Variants in HPCA observed in about 807,000 individuals in gnomAD.
HPCA encodes neuron-specific calcium-binding protein hippocalcin.
HPCA carries 4 observed loss-of-function variants against 18.2 expected under a neutral mutation model. The observed-to-expected ratio is 0.22, with a 90% CI of 0.11 to 0.50. HPCA has a LOEUF of 0.50. HPCA is among the 20% of genes least tolerant of loss of function. The probability of loss-of-function intolerance (pLI) is 0.97; values close to 1 mark genes in which losing one functional copy is unlikely to be tolerated. For missense variants in HPCA, 161 were observed against 265.8 expected (o/e 0.61, Z 2.74); for synonymous variants, 93 against 103.5 (o/e 0.90, Z 0.61).
At position 32,893,442 on chromosome 1, in the gene HPCA, A is replaced by G; in HGVS notation, c.379-82A>G. ...CCCAGGCGGGGGCAGCAAACGTCAG[A>G]GAGCCCGGGGGCGCCTCTGAATCTT... On this transcript the variant is annotated intron_variant, in intron 2 of 3. Coordinates refer to ENST00000373467, the MANE Select transcript of HPCA (RefSeq NM_002143.3). This position sits in a 1 kb window ranked among gnomAD's most constrained non-coding sequence, Gnocchi z 7.5. 1 of 978,216 alleles carries G rather than the reference A, an allele frequency of 1.0e-6. No homozygotes were observed. Among genetic ancestry groups the G allele is most frequent in the Admixed American group, 2.0e-5 (1 of 49,312 alleles). The allele number at this position is 978,216 out of a possible 1,614,324, so 60.6% of individuals were successfully genotyped here.
chr1:32,893,950 G>T lies in HPCA; in HGVS notation c.*88G>T. On this transcript the variant is annotated 3_prime_UTR_variant, in exon 4 of 4. Transcript: ENST00000373467. This position sits in a 1 kb window ranked among gnomAD's most constrained non-coding sequence, Gnocchi z 7.5. Reference sequence around the variant, plus strand: ...TCCCTTGTGTGTATTCTGGCTGGGGGCCAGATTGGGGAAGCCCTTCTCCCC... The same window carrying T: ...TCCCTTGTGTGTATTCTGGCTGGGGTCCAGATTGGGGAAGCCCTTCTCCCC... 1 of 1,008,924 alleles carries T rather than the reference G, an allele frequency of 9.9e-7. No individual in the cohort carries two copies. The highest frequency in any genetic ancestry group is 1.6e-5 in the African/African-American group (1 of 62,880). The allele number at this position is 1,008,924 out of a possible 1,614,324, so 62.5% of individuals were successfully genotyped here.
intron 2 of HPCA, among the ~76,000 whole-genome samples, chr1:32,891,912 G>T (rs763302528): frequency 6.6e-6 from 1 of 152,204 alleles, no homozygotes; most frequent in South Asian, 2.1e-4. Context: ...AGCTAAGAGG[G>T]AACAGGTACA....
Position 32,894,485 on chromosome 1 carries a change from C to A in HPCA, c.*623C>A, listed in dbSNP as rs1434850573. 1 of 327,296 alleles carries A rather than the reference C, an allele frequency of 3.1e-6. No homozygotes were observed. Among genetic ancestry groups the A allele is most frequent in the South Asian group, 6.6e-5 (1 of 15,126 alleles). The allele number at this position is 327,296 out of a possible 1,614,324, so 20.3% of individuals were successfully genotyped here. On this transcript the variant is annotated 3_prime_UTR_variant, in exon 4 of 4. Transcript: ENST00000373467. ...CCCATAGACAGATGGGCAGATGCAC[C>A]CAGAGCCCCATGCACAGTGTCCTGC... is the stretch of plus-strand genomic sequence containing the variant.
In HPCA at chr1:32,889,363, T is replaced by TA; in HGVS notation, c.378+88dup. 1 of 1,377,958 alleles carries TA rather than the reference T, an allele frequency of 7.3e-7. No homozygotes were observed. The highest frequency in any genetic ancestry group is 9.8e-7 in the Non-Finnish European group (1 of 1,018,700). The allele number at this position is 1,377,958 out of a possible 1,614,324, so 85.4% of individuals were successfully genotyped here. A position where few individuals can be genotyped will look rare whatever the true frequency, so the allele number is the denominator to read the frequency against. On this transcript the variant is annotated intron_variant, in intron 2 of 3. Coordinates refer to ENST00000373467, the MANE Select transcript of HPCA (RefSeq NM_002143.3). This position sits in a 1 kb window ranked among gnomAD's most constrained non-coding sequence, Gnocchi z 4.6. Reference sequence around the variant, plus strand: ...CTTTTGATCCTCTCAGCAGACCTCGTAGGCATGTGGTGGCAGGGGATATTC... The same window carrying TA: ...CTTTTGATCCTCTCAGCAGACCTCGTAAGGCATGTGGTGGCAGGGGATATTC...
At chr1:32,890,242 G>C (rs1641434065) in intron 2 of HPCA, among the ~76,000 whole-genome samples, 4 of 152,230 alleles carry the variant, frequency 2.6e-5, no homozygotes, top group Admixed American at 2.6e-4. Context: ...TCCAGTTCTG[G>C]AAGTGGCCTT....
chr1:32,893,472 G>A lies in HPCA; in HGVS notation c.379-52G>A. 7.6e-7 allele frequency: 1 copy of A among 1,322,738 alleles called. No homozygotes were observed. The highest frequency in any genetic ancestry group is 1.1e-6 in the Non-Finnish European group (1 of 923,220). 81.9% of individuals were successfully genotyped at this position (1,322,738 alleles called of 1,614,324 possible). ...CCGGGGGCGCCTCTGAATCTTGCGGGTGGGGGCTCGGGCAGGCTCCTCTCA... is the reference window on the plus strand; with the variant it reads ...CCGGGGGCGCCTCTGAATCTTGCGGATGGGGGCTCGGGCAGGCTCCTCTCA... On this transcript the variant is annotated intron_variant, in intron 2 of 3. Transcript: ENST00000373467. The surrounding 1 kb of genome is among the most constrained non-coding windows in gnomAD (Gnocchi z 7.5).
rs1444878291 is a variant in HPCA, at chr1:32,894,154, C to G, written c.*292C>G. ...CCAGCCCCAAGGCCCGACCCCTCCC[C>G]CAAAGGGGCAGTCCCCTTCTTGCAG... On this transcript the variant is annotated 3_prime_UTR_variant, in exon 4 of 4. Coordinates refer to ENST00000373467, the MANE Select transcript of HPCA (RefSeq NM_002143.3). 2 of 415,146 alleles carry G rather than the reference C, an allele frequency of 4.8e-6. No homozygotes were observed. Among genetic ancestry groups the G allele is most frequent in the East Asian group, 3.9e-5 (1 of 25,802 alleles). The allele number at this position is 415,146 out of a possible 1,614,324, so 25.7% of individuals were successfully genotyped here.
At chr1:32,887,736 C>T (rs1641393999) in intron 1 of HPCA, among the ~76,000 whole-genome samples, 1 of 152,146 alleles carries the variant, frequency 6.6e-6, no homozygotes, top group African/African-American at 2.4e-5. Context: ...CCACGTGCAG[C>T]TGGCCATGTG....
chr1:32,890,020 TCTAA>T (rs1286249633), intron 2 of HPCA, among the ~76,000 whole-genome samples: 2 of 152,218 alleles, frequency 1.3e-5, no homozygotes, highest in Admixed American at 6.5e-5. Flanking sequence ...CCAGCCATCT[TCTAA>T]CTAATTGATT....
chr1:32,890,239 CTGGAAG>C (rs1333068386), intron 2 of HPCA, among the ~76,000 whole-genome samples: 2 of 152,230 alleles, frequency 1.3e-5, no homozygotes, highest in Non-Finnish European at 2.9e-5. Context: ...GCTTCCAGTT[CTGGAAG>C]TGGCCTTCAA....
At chr1:32,891,838 C>T (rs765505141) in intron 2 of HPCA, among the ~76,000 whole-genome samples, 10 of 152,200 alleles carry the variant, frequency 6.6e-5, no homozygotes, top group East Asian at 5.8e-4. Flanking sequence ...TACTACAGAC[C>T]GGGTCTAATG....
rs747528254 is a variant in HPCA at position 32,893,474 on chromosome 1, G to C, written c.379-50G>C. ...GGGGGCGCCTCTGAATCTTGCGGGT[G>C]GGGGCTCGGGCAGGCTCCTCTCACT... On this transcript the variant is annotated intron_variant, in intron 2 of 3. Coordinates refer to ENST00000373467, the MANE Select transcript of HPCA (RefSeq NM_002143.3). This position sits in a 1 kb window ranked among gnomAD's most constrained non-coding sequence, Gnocchi z 7.5. 1 of 1,336,232 alleles carries C rather than the reference G, an allele frequency of 7.5e-7. No individual in the cohort carries two copies. Among genetic ancestry groups the C allele is most frequent in the Admixed American group, 1.7e-5 (1 of 57,424 alleles). 82.8% of individuals were successfully genotyped at this position (1,336,232 alleles called of 1,614,324 possible).
upstream of HPCA, chr1:32,886,485 C>G (rs1641370935): frequency 2.6e-5 from 4 of 152,364 alleles, no homozygotes; most frequent in Admixed American, 2.0e-4. The surrounding 1 kb of genome is among the most constrained non-coding windows in gnomAD (Gnocchi z 7.0). Flanking sequence ...GCGCCGCCTT[C>G]CCTGCGCAGT....
rs182302552 is a variant in HPCA, at chr1:32,891,080, C to T, written c.378+1804C>T. On this transcript the variant is annotated intron_variant, in intron 2 of 3. Transcript: ENST00000373467. Reference sequence around the variant, plus strand: ...TGCACTGGTGTGTACTGGTAAACCCCAGTCCTGCTGGAGCCACCACGCCCG... The same window carrying T: ...TGCACTGGTGTGTACTGGTAAACCCTAGTCCTGCTGGAGCCACCACGCCCG... Among the ~76,000 whole-genome samples the T allele has an allele frequency of 1.9e-3, 292 of 152,368 alleles. 1 individual carries two copies. Among genetic ancestry groups the T allele is most frequent in the Non-Finnish European group, 1.1e-3 (72 of 68,040 alleles).
In HPCA at chr1:32,889,081, C is replaced by A. The variant is rs749538307; in HGVS notation, c.183C>A (p.Ala61=). Reference sequence around the variant, plus strand: ...CCAACTTCTTTCCCTATGGTGACGCCTCCAAGTTTGCCGAGCACGTCTTCC... The same window carrying A: ...CCAACTTCTTTCCCTATGGTGACGCATCCAAGTTTGCCGAGCACGTCTTCC... The part of the protein sequence containing the change: ...IYANFFPYGD[A]SKFAEHVFRT... Residue 61 remains alanine (A), a synonymous_variant, in exon 2 of 4, where the codon GCC becomes GCA. Coordinates refer to ENST00000373467, the MANE Select transcript of HPCA (RefSeq NM_002143.3). The surrounding 1 kb of genome is among the most constrained non-coding windows in gnomAD (Gnocchi z 4.6). 2 of 1,614,250 alleles carry A rather than the reference C, an allele frequency of 1.2e-6. No individual in the cohort carries two copies. The highest frequency in any genetic ancestry group is 1.7e-6 in the Non-Finnish European group (2 of 1,180,042).
chr1:32,893,899 GC>G lies in HPCA; in HGVS notation c.*42del, dbSNP rs1226896517. 1 of 1,388,658 alleles carries G rather than the reference GC, an allele frequency of 7.2e-7. No homozygotes were observed. Among genetic ancestry groups the G allele is most frequent in the South Asian group, 1.2e-5 (1 of 80,616 alleles). The allele number at this position is 1,388,658 out of a possible 1,614,324, so 86.0% of individuals were successfully genotyped here. ...TTCCCCTTCCTCCCTCCCTTCACCGGCCCCCTCCCGGCTCTTAGCTTCCACT... is the reference window on the plus strand; with the variant it reads ...TTCCCCTTCCTCCCTCCCTTCACCGGCCCCTCCCGGCTCTTAGCTTCCACT... On this transcript the variant is annotated 3_prime_UTR_variant, in exon 4 of 4. Transcript: ENST00000373467. The surrounding 1 kb of genome is among the most constrained non-coding windows in gnomAD (Gnocchi z 7.5).
Position 32,893,652 on chromosome 1 carries a change from G to T in HPCA, c.484+23G>T, listed in dbSNP as rs1435529497. 2.5e-6 allele frequency: 4 copies of T among 1,584,694 alleles called. No homozygotes were observed. Among genetic ancestry groups the T allele is most frequent in the Non-Finnish European group, 3.5e-6 (4 of 1,154,478 alleles). On this transcript the variant is annotated intron_variant, in intron 3 of 3. Transcript: ENST00000373467. This position sits in a 1 kb window ranked among gnomAD's most constrained non-coding sequence, Gnocchi z 7.5. ...ACGGTGAGGGGCAGGGGCGGGACGG[G>T]GTGGACGGGGCGGGCGCCTTTCCCT...
In HPCA at chr1:32,894,080, A is replaced by G. The variant is rs1343156427; in HGVS notation, c.*218A>G. 1 of 554,826 alleles carries G rather than the reference A, an allele frequency of 1.8e-6. No individual in the cohort carries two copies. Among genetic ancestry groups the G allele is most frequent in the Admixed American group, 3.1e-5 (1 of 32,102 alleles). The allele number at this position is 554,826 out of a possible 1,614,324, so 34.4% of individuals were successfully genotyped here. On this transcript the variant is annotated 3_prime_UTR_variant, in exon 4 of 4. Transcript: ENST00000373467. ...CCCAATCCCAGAGGCAACAATAGAG[A>G]CACAGGCTGGGTTGGTCTGCCCCTC... is the stretch of plus-strand genomic sequence containing the variant.
At position 32,894,089 on chromosome 1, in the gene HPCA, G is replaced by A. The variant is rs1641523063; in HGVS notation, c.*227G>A. 1 of 537,358 alleles carries A rather than the reference G, an allele frequency of 1.9e-6. No individual in the cohort carries two copies. Among genetic ancestry groups the A allele is most frequent in the South Asian group, 2.6e-5 (1 of 39,004 alleles). The allele number at this position is 537,358 out of a possible 1,614,324, so 33.3% of individuals were successfully genotyped here. A position where few individuals can be genotyped will look rare whatever the true frequency, so the allele number is the denominator to read the frequency against. On this transcript the variant is annotated 3_prime_UTR_variant, in exon 4 of 4. Transcript: ENST00000373467. Reference sequence around the variant, plus strand: ...AGAGGCAACAATAGAGACACAGGCTGGGTTGGTCTGCCCCTCAGTCAGGCC... The same window carrying A: ...AGAGGCAACAATAGAGACACAGGCTAGGTTGGTCTGCCCCTCAGTCAGGCC...
Sources: allele counts gnomAD v4.1 joint callset (sites outside exome capture counted in the v4.1 genomes callset), GRCh38; gene constraint gnomAD v4.1.1; non-coding constraint Gnocchi (gnomAD v3.1); transcripts MANE v1.5; gene names NCBI Gene and HGNC (gene_info 2026-07-23, HGNC 2026-07-21).